IL2RA: variants seen among roughly 807,000 people sequenced by gnomAD.
IL2RA encodes the protein interleukin 2 receptor subunit alpha.
Under a neutral mutation model 37.8 loss-of-function variants are expected in IL2RA, and 24 were observed. That is an observed-to-expected ratio of 0.63 (90% confidence interval 0.46 to 0.89). IL2RA has a LOEUF of 0.89. IL2RA is among the 40% of genes least tolerant of loss of function. The probability of loss-of-function intolerance (pLI) is 0.00; values close to 1 mark genes in which losing one functional copy is unlikely to be tolerated. For synonymous variants in IL2RA, 125 were observed against 114.6 expected, an observed-to-expected ratio of 1.09 and a Z score of -0.58; for missense variants, 319 against 348.6, an observed-to-expected ratio of 0.92 and a Z score of 0.68.
Position 6,058,901 on chromosome 10 carries a change from CCT to C in IL2RA, c.64+3185_64+3186del, listed in dbSNP as rs572667335. Among the ~76,000 whole-genome samples the C allele has an allele frequency of 7.2e-5, 11 of 152,270 alleles. No homozygotes were observed. The highest frequency in any genetic ancestry group is 5.9e-4 in the Admixed American group (9 of 15,300). ...AAAACACTCAAGTTGACTAATATGTCCTCATAAACCCTTGCCATGTTAAATGG... is the reference window on the plus strand; with the variant it reads ...AAAACACTCAAGTTGACTAATATGTCCATAAACCCTTGCCATGTTAAATGG... On this transcript the variant is annotated intron_variant, in intron 1 of 7. Transcript: ENST00000379959. The surrounding 1 kb of genome is among the most constrained non-coding windows in gnomAD (Gnocchi z 4.2).
intron 1 of IL2RA, among the ~76,000 whole-genome samples, chr10:6,060,581 C>T (rs769474320): frequency 6.6e-6 from 1 of 151,966 alleles, no homozygotes; most frequent in Non-Finnish European, 1.5e-5. Flanking sequence ...ATGGTGAAAC[C>T]CCATCTCTAC....
At position 6,014,791 on chromosome 10, in the gene IL2RA, GC is replaced by G. The variant is rs12722704; in HGVS notation, c.795-1896del. On this transcript the variant is annotated intron_variant, in intron 7 of 7. Transcript: ENST00000379959. This position sits in a 1 kb window ranked among gnomAD's most constrained non-coding sequence, Gnocchi z 4.4. ...ATTCCTGCTACAATAACCCTAGGGG[GC>G]TTATCATTTGCACTGCAGTAATTTA... 4.2e-3 allele frequency among the ~76,000 whole-genome samples: 635 copies of G among 152,258 alleles called. 7 individuals carry two copies. The highest frequency in any genetic ancestry group is 0.015 in the African/African-American group (608 of 41,532).
At chr10:6,013,589 C>T (rs1207469459) in intron 7 of IL2RA, among the ~76,000 whole-genome samples, 1 of 152,158 alleles carries the variant, frequency 6.6e-6, no homozygotes, top group East Asian at 1.9e-4. Flanking sequence ...TCCCTGGTGT[C>T]AATCCTCCCT....
At chr10:6,060,485 G>C (rs946214124) in intron 1 of IL2RA, among the ~76,000 whole-genome samples, 5 of 152,170 alleles carry the variant, frequency 3.3e-5, no homozygotes, top group Non-Finnish European at 5.9e-5. Context: ...GGTCAGGCGC[G>C]ATGGCTCACA....
intron 1 of IL2RA, among the ~76,000 whole-genome samples, chr10:6,040,252 G>A (rs1839751613): frequency 6.6e-6 from 1 of 152,152 alleles, no homozygotes; most frequent in Non-Finnish European, 1.5e-5. Context: ...AATAATTAAA[G>A]CGTTCATTGC....
At chr10:6,017,833 C>T (rs1031016811) in intron 7 of IL2RA, among the ~76,000 whole-genome samples, 20 of 152,146 alleles carry the variant, frequency 1.3e-4, no homozygotes, top group African/African-American at 4.3e-4. Flanking sequence ...CAGCCTTGGC[C>T]TCCCAAAGTG....
intron 7 of IL2RA, among the ~76,000 whole-genome samples, chr10:6,013,965 G>A (rs910715085): frequency 5.3e-5 from 8 of 151,428 alleles, no homozygotes; most frequent in African/African-American, 1.9e-4. Context: ...ACCAGTAGCT[G>A]GGACTACAGG....
At chr10:6,024,016 A>G (rs1001079898) in intron 3 of IL2RA, among the ~76,000 whole-genome samples, 5 of 152,334 alleles carry the variant, frequency 3.3e-5, no homozygotes, top group Admixed American at 2.6e-4. Flanking sequence ...CCAGGGAGTA[A>G]GCCCAGACCT....
chr10:6,040,673 C>T (rs1564549056), intron 1 of IL2RA, among the ~76,000 whole-genome samples: 1 of 152,176 alleles, frequency 6.6e-6, no homozygotes. Context: ...TCCCCAAAGA[C>T]ACTCAAGGAC....
chr10:6,038,788 C>A (rs546358194), intron 1 of IL2RA, among the ~76,000 whole-genome samples: 2 of 152,256 alleles, frequency 1.3e-5, no homozygotes, highest in South Asian at 4.1e-4. Context: ...TAAATCTAGG[C>A]TTTGTAAAGT....
In IL2RA at chr10:6,058,285, A is replaced by G. The variant is rs1204174926; in HGVS notation, c.64+3803T>C. ...CTATATTAGCACCTCTAACTGACGC[A>G]TTCGTGAAACTCATTCTTTTGGTGC... On this transcript the variant is annotated intron_variant, in intron 1 of 7. Transcript: ENST00000379959. This position sits in a 1 kb window ranked among gnomAD's most constrained non-coding sequence, Gnocchi z 4.2. Among the ~76,000 whole-genome samples the G allele has an allele frequency of 6.6e-6, 1 of 152,202 alleles. No homozygotes were observed. Among genetic ancestry groups the G allele is most frequent in the Non-Finnish European group, 1.5e-5 (1 of 68,040 alleles).
chr10:6,050,234 T>C (rs896812748), intron 1 of IL2RA, among the ~76,000 whole-genome samples: 9 of 152,242 alleles, frequency 5.9e-5, no homozygotes, highest in Admixed American at 2.0e-4. Flanking sequence ...TGTTGACAGC[T>C]TGCTTCCTGT....
chr10:6,051,969 T>C (rs1477301704), intron 1 of IL2RA, among the ~76,000 whole-genome samples: 1 of 151,066 alleles, frequency 6.6e-6, no homozygotes, highest in South Asian at 2.1e-4. Context: ...ACGGTTCACA[T>C]GCATGTGTGT....
In IL2RA at chr10:6,056,800, T is replaced by C. The variant is rs1030977059; in HGVS notation, c.64+5288A>G. 1.3e-5 allele frequency among the ~76,000 whole-genome samples: 2 copies of C among 151,814 alleles called. No homozygotes were observed. The highest frequency in any genetic ancestry group is 2.9e-5 in the Non-Finnish European group (2 of 67,954). ...TCTTCTCTCAGGGAATGGCCTGGGA[T>C]AGAGAAGAGAAACAGGTTCCCACTC... On this transcript the variant is annotated intron_variant, in intron 1 of 7. Transcript: ENST00000379959. This position sits in a 1 kb window ranked among gnomAD's most constrained non-coding sequence, Gnocchi z 5.0.
At chr10:6,050,801 G>C (rs558932697) in intron 1 of IL2RA, among the ~76,000 whole-genome samples, 2 of 152,328 alleles carry the variant, frequency 1.3e-5, no homozygotes, top group Admixed American at 6.5e-5. Context: ...ACGAGGAGGA[G>C]GAGGATGGGT....
intron 1 of IL2RA, among the ~76,000 whole-genome samples, chr10:6,061,887 T>G (rs369430441): frequency 6.6e-5 from 10 of 152,334 alleles, no homozygotes; most frequent in African/African-American, 2.4e-4. Context: ...GAGAACCTAA[T>G]GCTATTTCAG....
chr10:6,021,514 T>C lies in IL2RA; in HGVS notation c.547A>G (p.Ile183Val), dbSNP rs746647595. The stretch of plus-strand genomic sequence containing the variant: ...CTGGTCTCCATTTCACCTGTGCATA[T>C]GAGCTGGGGCTGGGTCCACCTTGTC... Reference protein sequence around the residue: ...GKTRWTQPQLICTGEMETSQF... With the variant: ...GKTRWTQPQLVCTGEMETSQF... Residue 183 changes from isoleucine (I) to valine (V), a missense_variant, in exon 4 of 8, where the codon ATA becomes GTA. Transcript: ENST00000379959. The surrounding 1 kb of genome is among the most constrained non-coding windows in gnomAD (Gnocchi z 4.9). 2.7e-5 allele frequency: 44 copies of C among 1,613,828 alleles called. No homozygotes were observed. The highest frequency in any genetic ancestry group is 3.3e-5 in the Non-Finnish European group (39 of 1,179,882).
At chr10:6,062,037 G>T in intron 1 of IL2RA, 51 bp downstream of exon 1, 1 of 1,429,656 alleles carries the variant, frequency 7.0e-7, no homozygotes, top group Non-Finnish European at 9.9e-7. Flanking sequence ...GCTGGGAAGA[G>T]GGATGCCCAT....
chr10:6,059,564 C>T (rs1840093931), intron 1 of IL2RA, among the ~76,000 whole-genome samples: 1 of 152,172 alleles, frequency 6.6e-6, no homozygotes, highest in South Asian at 2.1e-4. Flanking sequence ...TCCCAGGGCC[C>T]AGCAATATAC....
Sources: allele counts gnomAD v4.1 joint callset (sites outside exome capture counted in the v4.1 genomes callset), GRCh38; gene constraint gnomAD v4.1.1; non-coding constraint Gnocchi (gnomAD v3.1); transcripts MANE v1.5; gene names NCBI Gene and HGNC (gene_info 2026-07-23, HGNC 2026-07-21).